The following DNM2 variants were observed in gnomAD, a reference collection of about 807,000 sequenced individuals.
The protein encoded by DNM2 is dynamin-2.
Under a neutral mutation model 99.0 loss-of-function variants are expected in DNM2, and 15 were observed. The observed-to-expected ratio is 0.15, with a 90% CI of 0.10 to 0.23. The LOEUF is 0.23. DNM2 is among the 10% of genes least tolerant of loss of function. The pLI is 1.00. For synonymous variants in DNM2, 525 were observed against 481.2 expected (o/e 1.09, Z -1.19); for missense variants, 742 against 1,189.4 (o/e 0.62, Z 5.53).
rs769098520 is a variant in DNM2 at position 10,765,310 on chromosome 19, G to A, written c.235+5499G>A. 2.6e-5 allele frequency among the ~76,000 whole-genome samples: 4 copies of A among 152,260 alleles called. No individual in the cohort carries two copies. Among genetic ancestry groups the A allele is most frequent in the Non-Finnish European group, 4.4e-5 (3 of 68,044 alleles). On this transcript the variant is annotated intron_variant, in intron 2 of 20. Transcript: ENST00000389253. The surrounding 1 kb of genome is among the most constrained non-coding windows in gnomAD (Gnocchi z 4.4). ...GCCAGCACACGAGAACAGGCATGCAGATCGGCTCTGCCCAGCACAGGGCCT... is the reference window on the plus strand; with the variant it reads ...GCCAGCACACGAGAACAGGCATGCAAATCGGCTCTGCCCAGCACAGGGCCT...
rs2071885510 is a variant in DNM2 at position 10,795,046 on chromosome 19, G to A, written c.1129-326G>A. Among the ~76,000 whole-genome samples the A allele has an allele frequency of 6.6e-6, 1 of 151,950 alleles. No homozygotes were observed. Among genetic ancestry groups the A allele is most frequent in the South Asian group, 2.1e-4 (1 of 4,824 alleles). ...GATGATCCTCCCACCTCAGCCTCCC[G>A]AGTAGCTGGGACTATAGGCGTGCAC... On this transcript the variant is annotated intron_variant, in intron 8 of 20. Coordinates refer to ENST00000389253, the MANE Select transcript of DNM2 (RefSeq NM_001005361.3). The surrounding 1 kb of genome is among the most constrained non-coding windows in gnomAD (Gnocchi z 4.2).
intron 2 of DNM2, among the ~76,000 whole-genome samples, chr19:10,768,308 G>C (rs188578871): frequency 2.8e-4 from 43 of 152,240 alleles, no homozygotes; most frequent in African/African-American, 9.9e-4. Context: ...AAAAAAATTA[G>C]CTGGGCGTGG....
chr19:10,724,466 T>C (rs1416230174), intron 1 of DNM2, among the ~76,000 whole-genome samples: 1 of 152,062 alleles, frequency 6.6e-6, no homozygotes, highest in South Asian at 2.1e-4. Context: ...CGTGAGCCAC[T>C]GCGCCTGGCC....
At chr19:10,742,464 G>A (rs1272276139) in intron 1 of DNM2, among the ~76,000 whole-genome samples, 1 of 152,196 alleles carries the variant, frequency 6.6e-6, no homozygotes, top group Non-Finnish European at 1.5e-5. Flanking sequence ...ACCCCATAGT[G>A]TAGGTGCTGT....
chr19:10,798,509 A>G lies in DNM2; in HGVS notation c.1359A>G (p.Arg453=), dbSNP rs1255481233. 1 of 1,614,078 alleles carries G rather than the reference A, an allele frequency of 6.2e-7. No homozygotes were observed. Among genetic ancestry groups the G allele is most frequent in the South Asian group, 1.1e-5 (1 of 91,082 alleles). The change falls in exon 11 of 21, where the codon CGA becomes CGG. Residue 453 remains arginine (R), a synonymous_variant. Coordinates refer to ENST00000389253, the MANE Select transcript of DNM2 (RefSeq NM_001005361.3). The stretch of plus-strand genomic sequence containing the variant: ...AGCTCAGTTCCTACCCCCGGTTGCG[A>G]GAGGAGACAGAGCGAATCGTCACCA... ...AEKLSSYPRL[R]EETERIVTTY... is the part of the protein sequence containing the mutation.
intron 12 of DNM2, 40 bp downstream of exon 12, chr19:10,802,398 T>G (rs766229726): frequency 5.0e-6 from 8 of 1,603,120 alleles, no homozygotes; most frequent in Non-Finnish European, 6.8e-6. Flanking sequence ...GCGGCACCAA[T>G]CCTCACTCTC....
intron 1 of DNM2, 35 bp downstream of exon 1, chr19:10,718,438 C>A: frequency 7.2e-7 from 1 of 1,386,006 alleles, no homozygotes. Flanking sequence ...GGGCGGGTGG[C>A]GGCCTAGGGC....
At chr19:10,829,493 C>G (rs921812065) in intron 19 of DNM2, among the ~76,000 whole-genome samples, 1 of 152,154 alleles carries the variant, frequency 6.6e-6, no homozygotes, top group Non-Finnish European at 1.5e-5. Flanking sequence ...GAATAAATAC[C>G]CCGCCTGCCC....
chr19:10,743,381 A>G (rs2069830642), intron 1 of DNM2, among the ~76,000 whole-genome samples: 1 of 151,914 alleles, frequency 6.6e-6, no homozygotes, highest in African/African-American at 2.4e-5. Context: ...CGGGTGAGAA[A>G]AAACATCATG....
At chr19:10,777,294 C>A in intron 5 of DNM2, 78 bp downstream of exon 5, 1 of 1,349,374 alleles carries the variant, frequency 7.4e-7, no homozygotes, top group Non-Finnish European at 1.0e-6. Flanking sequence ...CACCTGTTCC[C>A]TGCCTGCCTG....
Position 10,764,961 on chromosome 19 carries a change from CTTTTTT to C in DNM2, c.235+5161_235+5166del, listed in dbSNP as rs1173396952. On this transcript the variant is annotated intron_variant, in intron 2 of 20. Coordinates refer to ENST00000389253, the MANE Select transcript of DNM2 (RefSeq NM_001005361.3). The surrounding 1 kb of genome is among the most constrained non-coding windows in gnomAD (Gnocchi z 4.1). ...TATCCTGTTCTTGTTTTTTCTTTTT[CTTTTTT>C]TTTTTTTTTTGAGATGGAGTCTCGC... Among the ~76,000 whole-genome samples the C allele has an allele frequency of 7.0e-6, 1 of 141,902 alleles. No homozygotes were observed. Among genetic ancestry groups the C allele is most frequent in the Non-Finnish European group, 1.6e-5 (1 of 64,486 alleles). The allele number at this position is 141,902 out of a possible 152,430, so 93.1% of individuals were successfully genotyped here.
chr19:10,826,787 C>G (rs890785586), intron 18 of DNM2, among the ~76,000 whole-genome samples: 1 of 151,732 alleles, frequency 6.6e-6, no homozygotes, highest in Non-Finnish European at 1.5e-5. Flanking sequence ...CTCAGAAGAC[C>G]GAGGTAAGAG....
At chr19:10,798,616 G>T in intron 11 of DNM2, 44 bp downstream of exon 11, 1 of 1,607,350 alleles carries the variant, frequency 6.2e-7, no homozygotes, top group Non-Finnish European at 8.5e-7. Context: ...TTTACATGCA[G>T]TAAATGTCAA....
intron 8 of DNM2, among the ~76,000 whole-genome samples, chr19:10,794,860 G>A (rs1418419524): frequency 6.6e-6 from 1 of 152,240 alleles, no homozygotes; most frequent in African/African-American, 2.4e-5. Context: ...CCAATATGAT[G>A]AGAGAGTTGG....
chr19:10,774,728 C>G (rs910510743), intron 3 of DNM2, among the ~76,000 whole-genome samples: 6 of 121,458 alleles, frequency 4.9e-5, no homozygotes, highest in African/African-American at 1.9e-4. Context: ...TTGGCCTATG[C>G]TTTTTTTTTT....
Position 10,831,045 on chromosome 19 carries a change from T to TAGGCCTCG in DNM2, c.*2_*9dup. On this transcript the variant is annotated frameshift_variant and stop_retained_variant, in exon 21 of 21. Coordinates refer to ENST00000389253, the MANE Select transcript of DNM2 (RefSeq NM_001005361.3). LOFTEE classifies it high-confidence loss of function. This position sits in a 1 kb window ranked among gnomAD's most constrained non-coding sequence, Gnocchi z 4.3. ...CCCAGCCGAGCCATCCCTGCTCGAC[T>TAGGCCTCG]AGGCCTCGAGGGGGGCGTGCTCTCG... is the stretch of plus-strand genomic sequence containing the variant. The TAGGCCTCG allele has an allele frequency of 6.2e-7, 1 of 1,604,542 alleles. No homozygotes were observed. Among genetic ancestry groups the TAGGCCTCG allele is most frequent in the Non-Finnish European group, 8.5e-7 (1 of 1,175,502 alleles).
chr19:10,727,293 C>T (rs1054407562), intron 1 of DNM2, among the ~76,000 whole-genome samples: 1 of 152,102 alleles, frequency 6.6e-6, no homozygotes, highest in Non-Finnish European at 1.5e-5. Flanking sequence ...TGGATTGTTT[C>T]TGGATGAGGG....
intron 1 of DNM2, among the ~76,000 whole-genome samples, chr19:10,745,988 TCTCA>T (rs2069952083): frequency 6.6e-6 from 1 of 152,108 alleles, no homozygotes; most frequent in South Asian, 2.1e-4. Flanking sequence ...TGAGACGGAG[TCTCA>T]CTCTGACCTA....
rs555324577 is a variant in DNM2, at chr19:10,801,924, A to G, written c.1423-364A>G. ...CGTCTCGAAGAAAAAAAAAAAAAAA[A>G]CAAAAAAAACAACTGCACATTATTA... is the stretch of plus-strand genomic sequence containing the variant. On this transcript the variant is annotated intron_variant, in intron 11 of 20. Coordinates refer to ENST00000389253, the MANE Select transcript of DNM2 (RefSeq NM_001005361.3). Among the ~76,000 whole-genome samples the G allele has an allele frequency of 3.8e-3, 576 of 150,516 alleles. 10 individuals carry two copies. The highest frequency in any genetic ancestry group is 0.038 in the Middle Eastern group (11 of 290).
Sources: gnomAD v4.1 joint callset for allele counts (sites outside exome capture counted in the v4.1 genomes callset) on GRCh38, gnomAD v4.1.1 for gene constraint, Gnocchi (gnomAD v3.1) non-coding constraint, MANE v1.5 for transcripts, NCBI Gene and HGNC (gene_info 2026-07-23, HGNC 2026-07-21) for gene names.